Variants in DISC1 observed in about 807,000 individuals in gnomAD.
DISC1 encodes disrupted in schizophrenia 1 protein.
DISC1 carries 57 observed loss-of-function variants against 84.5 expected under a neutral mutation model. The ratio of observed to expected loss-of-function variants is 0.67; its 90% CI spans 0.55 to 0.84. The LOEUF is 0.84. DISC1 is among the 40% of genes least tolerant of loss of function. DISC1 has a pLI of 0.00. For missense variants in DISC1, 1,000 were observed against 1,057.8 expected, an observed-to-expected ratio of 0.95 and a Z score of 0.76; for synonymous variants, 411 against 415.2, an observed-to-expected ratio of 0.99 and a Z score of 0.12.
chr1:231,800,784 G>A (rs2079168262), intron 8 of DISC1, among the ~76,000 whole-genome samples: 1 of 152,026 alleles, frequency 6.6e-6, no homozygotes, highest in African/African-American at 2.4e-5. Flanking sequence ...GCTATATTAG[G>A]TAGATGGGAG....
chr1:231,882,403 C>T (rs1027391834), intron 9 of DISC1, among the ~76,000 whole-genome samples: 2 of 152,102 alleles, frequency 1.3e-5, no homozygotes, highest in East Asian at 3.9e-4. Flanking sequence ...AAAGGAGAAA[C>T]GTAGTTGACA....
chr1:231,866,979 G>T (rs201126277), intron 9 of DISC1, among the ~76,000 whole-genome samples: 53 of 152,310 alleles, frequency 3.5e-4, no homozygotes, highest in Non-Finnish European at 6.2e-4. Context: ...GGGATAGCCA[G>T]TCTTCATGCC....
At chr1:231,810,635 G>A (rs1281196766) in intron 8 of DISC1, among the ~76,000 whole-genome samples, 3 of 152,166 alleles carry the variant, frequency 2.0e-5, no homozygotes, top group Non-Finnish European at 4.4e-5. Context: ...AGTGGAAAAA[G>A]GCGAAGGCTT....
intron 1 of DISC1, among the ~76,000 whole-genome samples, chr1:231,641,724 T>C (rs1325936834): frequency 2.0e-5 from 3 of 152,196 alleles, no homozygotes. Flanking sequence ...TAGACACAAA[T>C]GTTCGCCACC....
At chr1:231,771,681 T>G (rs187865598) in intron 6 of DISC1, 1 of 687,970 alleles carries the variant, frequency 1.5e-6, no homozygotes, top group African/African-American at 1.9e-5. Flanking sequence ...AAAACTGATA[T>G]TTACACTCCT....
At chr1:231,912,788 T>TCTTTCTTTCTTTCTTG (rs1553394044) in intron 9 of DISC1, among the ~76,000 whole-genome samples, 7 of 145,002 alleles carry the variant, frequency 4.8e-5, no homozygotes, top group African/African-American at 1.8e-4. Flanking sequence ...TTTCTTTCTT[T>TCTTTCTTTCTTTCTTG]CTTTCTTTCT....
intron 9 of DISC1, among the ~76,000 whole-genome samples, chr1:231,911,938 A>G (rs562786684): frequency 2.6e-5 from 4 of 152,108 alleles, no homozygotes; most frequent in African/African-American, 9.7e-5. Context: ...TCAATCACTG[A>G]TACCCTTTCT....
intron 6 of DISC1, among the ~76,000 whole-genome samples, chr1:231,786,834 G>A (rs11576323): frequency 0.45 from 69,036 of 151,962 alleles, 15,942 homozygotes; most frequent in Admixed American, 0.52. Flanking sequence ...ACTGCACTGC[G>A]TCCACCCTTG....
intron 9 of DISC1, among the ~76,000 whole-genome samples, chr1:231,940,493 A>G (rs2091257219): frequency 6.6e-6 from 1 of 152,214 alleles, no homozygotes; most frequent in Admixed American, 6.5e-5. Context: ...TAGATTTTAA[A>G]TGTCGTATTC....
rs556628269 is a variant in DISC1 at position 231,818,319 on chromosome 1, C to T, written c.1793-10C>T. The T allele has an allele frequency of 8.1e-6, 13 of 1,613,490 alleles. 1 individual carries two copies. In the South Asian group the frequency reaches 1.4e-4, roughly 18 times the overall value. ...TGTTTTCCCTTCTTCTCTCCCACAACGTGCTGTAGGAAACCATTTCTGGAC... is the reference window on the plus strand; with the variant it reads ...TGTTTTCCCTTCTTCTCTCCCACAATGTGCTGTAGGAAACCATTTCTGGAC... On this transcript the variant is annotated splice_polypyrimidine_tract_variant and intron_variant, in intron 8 of 12. Transcript: ENST00000439617.
rs1465756367 is a variant in DISC1 at position 231,695,200 on chromosome 1, C to T, written c.1047+395C>T. Reference sequence around the variant, plus strand: ...AAAATGGGGATGCCCTCTATCAGGGCGATCCTGCTCTTCATCCGCTTCACT... The same window carrying T: ...AAAATGGGGATGCCCTCTATCAGGGTGATCCTGCTCTTCATCCGCTTCACT... On this transcript the variant is annotated intron_variant, in intron 2 of 12. Transcript: ENST00000439617. Among the ~76,000 whole-genome samples, 5 of 152,196 alleles carry T rather than the reference C, an allele frequency of 3.3e-5. No homozygotes were observed. In the South Asian group the frequency reaches 6.2e-4, roughly 19 times the overall value.
chr1:231,799,647 AC>A (rs1296056780), intron 7 of DISC1, among the ~76,000 whole-genome samples: 1 of 151,816 alleles, frequency 6.6e-6, no homozygotes, highest in Non-Finnish European at 1.5e-5. Flanking sequence ...AGTGATGCAG[AC>A]AGGAGGATTC....
chr1:231,847,645 C>T (rs2083559397), intron 9 of DISC1, among the ~76,000 whole-genome samples: 1 of 152,168 alleles, frequency 6.6e-6, no homozygotes, highest in Non-Finnish European at 1.5e-5. Flanking sequence ...AGCTTGTTCA[C>T]ACCTTCAGGG....
At chr1:231,746,615 G>A (rs1334501926) in intron 3 of DISC1, among the ~76,000 whole-genome samples, 2 of 152,126 alleles carry the variant, frequency 1.3e-5, no homozygotes, top group African/African-American at 4.8e-5. Flanking sequence ...AGCATTTGCT[G>A]TTTATTTTAT....
intron 3 of DISC1, among the ~76,000 whole-genome samples, chr1:231,717,635 A>C (rs1251637647): frequency 6.6e-6 from 1 of 152,170 alleles, no homozygotes; most frequent in African/African-American, 2.4e-5. Flanking sequence ...AATAAGCAGC[A>C]GTGAAGAAGA....
At chr1:231,841,977 C>G (rs960606200) in intron 9 of DISC1, among the ~76,000 whole-genome samples, 1 of 152,144 alleles carries the variant, frequency 6.6e-6, no homozygotes, top group Non-Finnish European at 1.5e-5. Flanking sequence ...TCCCTAGCCT[C>G]TGTGCCAGTT....
chr1:231,919,627 G>A (rs1047029631), intron 9 of DISC1, among the ~76,000 whole-genome samples: 3 of 152,158 alleles, frequency 2.0e-5, no homozygotes, highest in Non-Finnish European at 4.4e-5. Context: ...GCTGAGACTG[G>A]ACAGAAAGAC....
chr1:232,020,101 G>T (rs920003808), intron 11 of DISC1, among the ~76,000 whole-genome samples: 3 of 152,062 alleles, frequency 2.0e-5, no homozygotes, highest in African/African-American at 7.2e-5. Flanking sequence ...CAGCACTTTG[G>T]GGGGCCAAGG....
chr1:231,942,900 C>T (rs2091432288), intron 9 of DISC1, among the ~76,000 whole-genome samples: 1 of 152,148 alleles, frequency 6.6e-6, no homozygotes, highest in Non-Finnish European at 1.5e-5. Context: ...TGTGGGAGAT[C>T]AAGGATTATG....
Sources: allele counts gnomAD v4.1 joint callset (sites outside exome capture counted in the v4.1 genomes callset), GRCh38; gene constraint gnomAD v4.1.1; transcripts MANE v1.5; gene names NCBI Gene and HGNC (gene_info 2026-07-23, HGNC 2026-07-21).